Variants in AFAP1 observed in about 807,000 individuals in gnomAD.
AFAP1 encodes the protein actin filament-associated protein 1.
In AFAP1, 75 loss-of-function variants were observed where a neutral mutation model predicts 93.9. The ratio of observed to expected loss-of-function variants is 0.80; its 90% confidence interval spans 0.66 to 0.97. AFAP1 has a LOEUF of 0.97. AFAP1 is among the 50% of genes least tolerant of loss of function. The probability of loss-of-function intolerance (pLI) is 0.00; values close to 1 mark genes in which losing one functional copy is unlikely to be tolerated. For synonymous variants in AFAP1, 517 were observed against 430.7 expected, an observed-to-expected ratio of 1.20 and a Z score of -2.48; for missense variants, 1,201 against 1,050.8, an observed-to-expected ratio of 1.14 and a Z score of -1.98.
chr4:7,811,084 G>A (rs1298064013), intron 8 of AFAP1, among the ~76,000 whole-genome samples: 1 of 152,240 alleles, frequency 6.6e-6, no homozygotes, highest in African/African-American at 2.4e-5. Flanking sequence ...TCTCCTGAGG[G>A]CCGTTATGTG....
intron 4 of AFAP1, among the ~76,000 whole-genome samples, chr4:7,847,542 G>A (rs534570337): frequency 6.6e-6 from 1 of 152,350 alleles, no homozygotes; most frequent in African/African-American, 2.4e-5. Flanking sequence ...ATCAAGAGAA[G>A]AGACTCTTGC....
chr4:7,765,958 G>C (rs550370581), intron 17 of AFAP1, among the ~76,000 whole-genome samples: 1 of 152,238 alleles, frequency 6.6e-6, no homozygotes, highest in East Asian at 1.9e-4. Flanking sequence ...CCCTGCGCCA[G>C]GATGCAGACG....
At chr4:7,810,190 C>G (rs920304993) in intron 8 of AFAP1, among the ~76,000 whole-genome samples, 4 of 152,226 alleles carry the variant, frequency 2.6e-5, no homozygotes, top group Non-Finnish European at 5.9e-5. Context: ...TTAATGAGCA[C>G]TTGCTACGTG....
intron 11 of AFAP1, among the ~76,000 whole-genome samples, chr4:7,786,595 C>T (rs1389799382): frequency 1.3e-5 from 2 of 151,292 alleles, no homozygotes. Context: ...TCAGAAATAC[C>T]AAGCGTTTTG....
intron 1 of AFAP1, among the ~76,000 whole-genome samples, chr4:7,888,242 C>T (rs1718243147): frequency 1.3e-5 from 2 of 152,230 alleles, no homozygotes; most frequent in African/African-American, 4.8e-5. Flanking sequence ...ACAGAAAGGA[C>T]ATTATGATTC....
At chr4:7,841,941 A>T (rs1452387733) in intron 5 of AFAP1, among the ~76,000 whole-genome samples, 5 of 152,186 alleles carry the variant, frequency 3.3e-5, no homozygotes, top group African/African-American at 1.2e-4. Flanking sequence ...TCAGAACCCC[A>T]AACTGCTAAT....
intron 5 of AFAP1, among the ~76,000 whole-genome samples, chr4:7,840,146 A>G (rs978140353): frequency 2.0e-5 from 3 of 152,100 alleles, no homozygotes; most frequent in Admixed American, 6.5e-5. Flanking sequence ...TCCAGCCCCA[A>G]TTGTGCACGT....
chr4:7,923,139 A>C (rs1343833014), intron 1 of AFAP1, among the ~76,000 whole-genome samples: 1 of 152,016 alleles, frequency 6.6e-6, no homozygotes, highest in Non-Finnish European at 1.5e-5. Context: ...AGAAGACAAG[A>C]CTCAATTAAG....
At chr4:7,812,036 C>T (rs1720092290) in intron 8 of AFAP1, among the ~76,000 whole-genome samples, 1 of 151,666 alleles carries the variant, frequency 6.6e-6, no homozygotes, top group Admixed American at 6.6e-5. Context: ...GAAGGCACAG[C>T]CCCTCCCAGC....
At chr4:7,930,286 C>T (rs1248340478) in intron 1 of AFAP1, among the ~76,000 whole-genome samples, 1 of 152,292 alleles carries the variant, frequency 6.6e-6, no homozygotes, top group Non-Finnish European at 1.5e-5. Context: ...CAAATGAGTT[C>T]GCCAAACCAG....
intron 1 of AFAP1, among the ~76,000 whole-genome samples, chr4:7,920,610 A>G (rs932049215): frequency 1.3e-5 from 2 of 152,244 alleles, no homozygotes; most frequent in Non-Finnish European, 2.9e-5. Context: ...AATATAATTA[A>G]CTAAACACAA....
At chr4:7,906,842 G>A (rs999563599) in intron 1 of AFAP1, among the ~76,000 whole-genome samples, 15 of 152,098 alleles carry the variant, frequency 9.9e-5, no homozygotes, top group African/African-American at 3.1e-4. Context: ...CCAATATGGC[G>A]AAGCCCCATC....
Position 7,874,849 on chromosome 4 carries a change from T to G in AFAP1, c.-2-2769A>C, listed in dbSNP as rs538690852. 3.0e-4 allele frequency among the ~76,000 whole-genome samples: 45 copies of G among 152,218 alleles called. 1 individual carries two copies. In the South Asian group the frequency reaches 8.7e-3, roughly 29 times the overall value. ...TTTTGGTAAATGCAGTTACTTTTCA[T>G]AAATATATATTATTTATGTTAACAT... On this transcript the variant is annotated intron_variant, in intron 1 of 17. Coordinates refer to ENST00000420658, the MANE Select transcript of AFAP1 (RefSeq NM_001134647.2).
chr4:7,841,381 C>A (rs371639651), intron 5 of AFAP1, among the ~76,000 whole-genome samples: 7 of 152,220 alleles, frequency 4.6e-5, no homozygotes, highest in Non-Finnish European at 7.3e-5. Flanking sequence ...AGACAGTCCC[C>A]GAGGTGGGCT....
intron 17 of AFAP1, among the ~76,000 whole-genome samples, chr4:7,764,138 C>T (rs1019976825): frequency 3.3e-5 from 5 of 152,196 alleles, no homozygotes; most frequent in South Asian, 2.1e-4. Context: ...TTCTGACACA[C>T]GCTGCAACCT....
In AFAP1 at chr4:7,917,753, T is replaced by C. The variant is rs116820171; in HGVS notation, c.-3+21903A>G. Among the ~76,000 whole-genome samples, 1,054 of 152,214 alleles carry C rather than the reference T, an allele frequency of 6.9e-3. 8 individuals are homozygous for C. Among genetic ancestry groups the C allele is most frequent in the African/African-American group, 0.023 (939 of 41,518 alleles). On this transcript the variant is annotated intron_variant, in intron 1 of 17. Coordinates refer to ENST00000420658, the MANE Select transcript of AFAP1 (RefSeq NM_001134647.2). ...GATCACATCAATCCCACCAAGGAGT[T>C]TGGAACCACCCTTCCAAACTCCTCT...
chr4:7,828,266 G>A (rs1262239863), intron 6 of AFAP1, among the ~76,000 whole-genome samples: 1 of 152,172 alleles, frequency 6.6e-6, no homozygotes, highest in Non-Finnish European at 1.5e-5. Context: ...CCCCCCGGCT[G>A]GCTATGTGAA....
chr4:7,845,534 A>G (rs1447263688), intron 4 of AFAP1, among the ~76,000 whole-genome samples: 1 of 152,144 alleles, frequency 6.6e-6, no homozygotes, highest in Non-Finnish European at 1.5e-5. Flanking sequence ...GAGGTAAGAG[A>G]CAGGAGCAGC....
At chr4:7,814,227 A>G (rs1252267700) in intron 8 of AFAP1, among the ~76,000 whole-genome samples, 4 of 152,270 alleles carry the variant, frequency 2.6e-5, no homozygotes, top group Non-Finnish European at 5.9e-5. Flanking sequence ...ACATTTCACC[A>G]AAGAAGATAT....
Sources: gnomAD v4.1 joint callset for allele counts (sites outside exome capture counted in the v4.1 genomes callset) on GRCh38, gnomAD v4.1.1 for gene constraint, MANE v1.5 for transcripts, NCBI Gene and HGNC (gene_info 2026-07-23, HGNC 2026-07-21) for gene names.